TMEM222: variants seen among roughly 807,000 people sequenced by gnomAD.
TMEM222 encodes the protein chromosome 1 open reading frame 160.
TMEM222 carries 18 observed loss-of-function variants against 25.1 expected under a neutral mutation model. The observed-to-expected ratio is 0.72, with a 90% CI of 0.50 to 1.06. The LOEUF is 1.06. Among genes scored for constraint, TMEM222 ranks in the 50% least tolerant of loss-of-function variants. The probability of loss-of-function intolerance (pLI) is 0.00; values close to 1 mark genes in which losing one functional copy is unlikely to be tolerated. For synonymous variants in TMEM222, 131 were observed against 117.9 expected, an observed-to-expected ratio of 1.11 and a Z score of -0.72; for missense variants, 296 against 293.7, an observed-to-expected ratio of 1.01 and a Z score of -0.06.
Position 27,332,904 on chromosome 1 carries a change from A to G in TMEM222, c.311+803A>G, listed in dbSNP as rs115389544. ...CAAGCAGTAGCCCCTAAGCGGCCCC[A>G]GTCCAGGCCATGGTCTCTAGACTCC... On this transcript the variant is annotated intron_variant, in intron 3 of 5. Coordinates refer to ENST00000374076, the MANE Select transcript of TMEM222 (RefSeq NM_032125.3). 1,278 of 289,842 alleles carry G rather than the reference A, an allele frequency of 4.4e-3. 6 individuals are homozygous for G. The highest frequency in any genetic ancestry group is 7.0e-3 in the Non-Finnish European group (1,025 of 146,852). The allele number at this position is 289,842 out of a possible 1,614,324, so 18.0% of individuals were successfully genotyped here. A position where few individuals can be genotyped will look rare whatever the true frequency, so the allele number is the denominator to read the frequency against.
chr1:27,322,309 C>G lies in TMEM222; in HGVS notation c.112C>G (p.Gln38Glu), dbSNP rs1201347734. 2 of 1,559,346 alleles carry G rather than the reference C, an allele frequency of 1.3e-6. No individual in the cohort carries two copies. Among genetic ancestry groups the G allele is most frequent in the Non-Finnish European group, 1.7e-6 (2 of 1,149,672 alleles). ...TAAETDMKQY[Q>E]GSGGVAMDVE... The stretch of plus-strand genomic sequence containing the variant: ...GGCCGAGACGGACATGAAGCAATAT[C>G]AAGGCTCCGGCGGCGTCGCCATGGA... The change falls in exon 1 of 6, where the codon CAA (glutamine) becomes GAA (glutamate). Residue 38 changes from glutamine to glutamate, a missense_variant. Coordinates refer to ENST00000374076, the MANE Select transcript of TMEM222 (RefSeq NM_032125.3).
chr1:27,335,525 T>C lies in TMEM222; in HGVS notation c.*59T>C, dbSNP rs2014585250. ...CCGAGGAAACAGCCGCCATCCCTTT[T>C]GGTTCCAGATTTTTTTCTCCTCACC... On this transcript the variant is annotated 3_prime_UTR_variant, in exon 6 of 6. Transcript: ENST00000374076. 1 of 1,571,540 alleles carries C rather than the reference T, an allele frequency of 6.4e-7. No individual in the cohort carries two copies. The highest frequency in any genetic ancestry group is 8.7e-7 in the Non-Finnish European group (1 of 1,143,642).
At chr1:27,328,854 C>T (rs1031292846) in intron 1 of TMEM222, among the ~76,000 whole-genome samples, 4 of 152,196 alleles carry the variant, frequency 2.6e-5, no homozygotes, top group African/African-American at 9.7e-5. Flanking sequence ...GGCCTGCACC[C>T]CTAGCCAGGT....
At chr1:27,325,005 G>C (rs1177906294) in intron 1 of TMEM222, among the ~76,000 whole-genome samples, 2 of 152,152 alleles carry the variant, frequency 1.3e-5, no homozygotes, top group African/African-American at 4.8e-5. Context: ...TCCAAACCAT[G>C]TCACCTTCAA....
chr1:27,335,307 G>T (rs748078336), intron 5 of TMEM222, 72 bp from the exon 6 acceptor site: 91 of 1,473,502 alleles, frequency 6.2e-5, no homozygotes, highest in Non-Finnish European at 8.4e-5. Context: ...GTCTGTGGGT[G>T]CTCAGGGCTG....
At chr1:27,326,024 C>T (rs1156952443) in intron 1 of TMEM222, among the ~76,000 whole-genome samples, 1 of 152,186 alleles carries the variant, frequency 6.6e-6, no homozygotes, top group African/African-American at 2.4e-5. Context: ...TTGTTTAATA[C>T]CCTGTACATA....
Position 27,334,273 on chromosome 1 carries a change from G to A in TMEM222, c.531G>A (p.Lys177=), listed in dbSNP as rs2014553033. Residue 177 remains lysine, a synonymous_variant, in exon 5 of 6, where the codon AAG becomes AAA. Transcript: ENST00000374076. ...GCTTCTTCTGCCTGCTCTACGGGAA[G>A]TACGTCAGGTGAGCTGCCCTCCTGC... The part of the protein sequence containing the change: ...TLCFFCLLYG[K]YVSVGAFVKT... 2 of 1,614,228 alleles carry A rather than the reference G, an allele frequency of 1.2e-6. No homozygotes were observed. The highest frequency in any genetic ancestry group is 1.3e-5 in the African/African-American group (1 of 75,070).
chr1:27,332,231 G>A, intron 3 of TMEM222, 130 bp downstream of exon 3: 1 of 1,120,424 alleles, frequency 8.9e-7, no homozygotes, highest in South Asian at 1.3e-5. Context: ...GGAGAGGTCA[G>A]CCAGGGTCCA....
At chr1:27,332,892 C>T (rs942220028) in intron 3 of TMEM222, 4 of 296,030 alleles carry the variant, frequency 1.4e-5, no homozygotes, top group African/African-American at 4.3e-5. Flanking sequence ...GCAGTAGCCC[C>T]TAAGCGGCCC....
chr1:27,334,538 G>T, intron 5 of TMEM222: 1 of 1,425,878 alleles, frequency 7.0e-7, no homozygotes, highest in East Asian at 2.5e-5. Flanking sequence ...AACTGCCTTG[G>T]TCTCTCTTAG....
At chr1:27,326,879 C>T (rs1421256389) in intron 1 of TMEM222, among the ~76,000 whole-genome samples, 1 of 152,116 alleles carries the variant, frequency 6.6e-6, no homozygotes, top group Non-Finnish European at 1.5e-5. Flanking sequence ...TCCAGGCTGA[C>T]AAACCACTTT....
chr1:27,330,492 C>T (rs1056307270), intron 1 of TMEM222, among the ~76,000 whole-genome samples: 6 of 152,056 alleles, frequency 3.9e-5, no homozygotes, highest in Non-Finnish European at 5.9e-5. Flanking sequence ...GTGTTGCTGT[C>T]GTTTGAGTTA....
intron 5 of TMEM222, 85 bp downstream of exon 5, chr1:27,334,366 T>C: frequency 6.3e-7 from 1 of 1,584,202 alleles, no homozygotes; most frequent in African/African-American, 1.3e-5. Context: ...CCTAGCGTCC[T>C]TCAGTCAGCC....
intron 1 of TMEM222, among the ~76,000 whole-genome samples, chr1:27,329,121 C>A (rs1181542408): frequency 6.6e-6 from 1 of 152,092 alleles, no homozygotes; most frequent in Non-Finnish European, 1.5e-5. Flanking sequence ...CCAATTTCTA[C>A]CCTTGCACAT....
At chr1:27,325,990 C>G (rs914455844) in intron 1 of TMEM222, among the ~76,000 whole-genome samples, 2 of 152,158 alleles carry the variant, frequency 1.3e-5, no homozygotes, top group African/African-American at 2.4e-5. Flanking sequence ...ACCTTGTATT[C>G]AAGTTAACTG....
intron 2 of TMEM222, among the ~76,000 whole-genome samples, chr1:27,331,339 G>A (rs941993249): frequency 2.2e-4 from 34 of 152,204 alleles, no homozygotes; most frequent in African/African-American, 7.9e-4. Context: ...GGACTGAAGG[G>A]GTGTGGTGGC....
intron 5 of TMEM222, 110 bp downstream of exon 5, chr1:27,334,391 A>T: frequency 2.6e-6 from 4 of 1,517,130 alleles, no homozygotes; most frequent in Admixed American, 1.9e-5. Context: ...CAGTTGGAAC[A>T]GATGCCAGTT....
At chr1:27,325,145 G>A (rs2014307906) in intron 1 of TMEM222, 1 of 351,902 alleles carries the variant, frequency 2.8e-6, no homozygotes, top group Non-Finnish European at 5.5e-6. Flanking sequence ...GGAGAGATCA[G>A]AGGAGGAAAT....
chr1:27,335,412 C>T lies in TMEM222; in HGVS notation c.573C>T (p.Phe191=). 1 of 1,614,242 alleles carries T rather than the reference C, an allele frequency of 6.2e-7. No homozygotes were observed. Among genetic ancestry groups the T allele is most frequent in the South Asian group, 1.1e-5 (1 of 91,088 alleles). The change falls in exon 6 of 6, where the codon TTC becomes TTT. Residue 191 remains phenylalanine, a synonymous_variant. Transcript: ENST00000374076. ...CCTTCGTGAAGACCTGGCTGCCCTT[C>T]ATCCTTCTCCTGGGCATCATCCTCA... ...VGAFVKTWLP[F]ILLLGIILTV... is the part of the protein sequence containing the mutation.
Sources: allele counts gnomAD v4.1 joint callset (sites outside exome capture counted in the v4.1 genomes callset), GRCh38; gene constraint gnomAD v4.1.1; transcripts MANE v1.5; gene names NCBI Gene and HGNC (gene_info 2026-07-23, HGNC 2026-07-21).